The following WWOX variants were observed in gnomAD, a reference collection of about 807,000 sequenced individuals.
The protein encoded by WWOX is WW domain containing oxidoreductase.
In WWOX, 69 loss-of-function variants were observed where a neutral mutation model predicts 46.2. The ratio of observed to expected loss-of-function variants is 1.49; its 90% CI spans 1.23 to 1.82. The LOEUF (loss-of-function observed/expected upper bound fraction) is 1.82. WWOX is among the 40% of genes most tolerant of loss of function. The probability of loss-of-function intolerance (pLI) is 0.00; values close to 1 mark genes in which losing one functional copy is unlikely to be tolerated. For synonymous variants in WWOX, 359 were observed against 202.6 expected (o/e 1.77, Z -6.56); for missense variants, 919 against 542.6 (o/e 1.69, Z -6.89).
At chr16:79,123,646 T>C (rs1181220977) in intron 8 of WWOX, among the ~76,000 whole-genome samples, 1 of 152,062 alleles carries the variant, frequency 6.6e-6, no homozygotes, top group Non-Finnish European at 1.5e-5. Flanking sequence ...GCTCCAGGCT[T>C]TTTCCCTATT....
Position 78,945,208 on chromosome 16 carries a change from AG to A in WWOX, c.1057-266399del, listed in dbSNP as rs547264823. Among the ~76,000 whole-genome samples, 177 of 152,226 alleles carry A rather than the reference AG, an allele frequency of 1.2e-3. No individual in the cohort carries two copies. The Middle Eastern group carries it at 0.017, about 15-fold the overall frequency. ...AAAAGAAAAAGAAAAAGAAAGAAAAAGCTTTGCCTGTATATGTAGAACAAAT... is the reference window on the plus strand; with the variant it reads ...AAAAGAAAAAGAAAAAGAAAGAAAAACTTTGCCTGTATATGTAGAACAAAT... On this transcript the variant is annotated intron_variant, in intron 8 of 8. Coordinates refer to ENST00000566780, the MANE Select transcript of WWOX (RefSeq NM_016373.4).
chr16:78,706,716 C>T (rs1210080796), intron 8 of WWOX, among the ~76,000 whole-genome samples: 2 of 152,170 alleles, frequency 1.3e-5, no homozygotes, highest in Non-Finnish European at 2.9e-5. Context: ...CCCTTTTGAC[C>T]TGTGGGTACA....
intron 8 of WWOX, among the ~76,000 whole-genome samples, chr16:78,817,429 C>G (rs1199261551): frequency 6.6e-6 from 1 of 152,236 alleles, no homozygotes; most frequent in East Asian, 1.9e-4. Flanking sequence ...TCTTCAGCTA[C>G]CAACAATCAT....
chr16:79,047,985 T>A (rs1740538562), intron 8 of WWOX, among the ~76,000 whole-genome samples: 2 of 151,972 alleles, frequency 1.3e-5, no homozygotes. Flanking sequence ...ATTCACTATA[T>A]CCTCTCCTGA....
intron 8 of WWOX, among the ~76,000 whole-genome samples, chr16:78,974,698 G>A (rs1384269996): frequency 2.6e-5 from 4 of 152,192 alleles, no homozygotes; most frequent in Admixed American, 6.5e-5. Context: ...ACCTAATGGT[G>A]TTTACAGAGT....
In WWOX at chr16:78,865,163, G is replaced by C. The variant is rs77178495; in HGVS notation, c.1057-346445G>C. On this transcript the variant is annotated intron_variant, in intron 8 of 8. Coordinates refer to ENST00000566780, the MANE Select transcript of WWOX (RefSeq NM_016373.4). ...TAAAATAAATTCCGTACATTTTAAA[G>C]TGCTAAAGGTTGTATGTTTGTGCGA... Among the ~76,000 whole-genome samples the C allele has an allele frequency of 3.0e-3, 464 of 152,186 alleles. 3 individuals are homozygous for C. Among genetic ancestry groups the C allele is most frequent in the African/African-American group, 0.011 (446 of 41,520 alleles).
At chr16:78,144,548 G>C (rs565392994) in intron 4 of WWOX, among the ~76,000 whole-genome samples, 22 of 117,700 alleles carry the variant, frequency 1.9e-4, no homozygotes, top group Non-Finnish European at 3.6e-4. Flanking sequence ...TGGAGATGGA[G>C]TTTTACTCTG....
In WWOX at chr16:78,163,247, G is replaced by A. The variant is rs138508826; in HGVS notation, c.410-936G>A. Among the ~76,000 whole-genome samples the A allele has an allele frequency of 2.3e-4, 35 of 152,254 alleles. 1 individual carries two copies. In the East Asian group the frequency reaches 6.6e-3, roughly 29 times the overall value. On this transcript the variant is annotated intron_variant, in intron 4 of 8. Coordinates refer to ENST00000566780, the MANE Select transcript of WWOX (RefSeq NM_016373.4). ...CTTCCTCCAGAGAACATTTTCTCTT[G>A]CTTCTGGAAATTGGATAGATAGGGA...
intron 5 of WWOX, among the ~76,000 whole-genome samples, chr16:78,176,652 ACT>A: frequency 6.6e-6 from 1 of 152,196 alleles, no homozygotes; most frequent in South Asian, 2.1e-4. Context: ...CAGATTTATG[ACT>A]CTGGGAAAAT....
At chr16:78,356,885 A>C (rs1166227465) in intron 5 of WWOX, among the ~76,000 whole-genome samples, 2 of 152,194 alleles carry the variant, frequency 1.3e-5, no homozygotes, top group African/African-American at 2.4e-5. Flanking sequence ...CCATCTCAAA[A>C]AACAAACAAA....
intron 8 of WWOX, among the ~76,000 whole-genome samples, chr16:78,945,038 G>A (rs2045922806): frequency 6.6e-6 from 1 of 152,030 alleles, no homozygotes; most frequent in South Asian, 2.1e-4. Flanking sequence ...ACATTAGCTG[G>A]GCATGGTGGC....
At chr16:78,993,431 T>C (rs886068354) in intron 8 of WWOX, among the ~76,000 whole-genome samples, 14 of 152,178 alleles carry the variant, frequency 9.2e-5, no homozygotes, top group Non-Finnish European at 1.9e-4. Flanking sequence ...CTCTCGGACA[T>C]GACAGTGCGG....
chr16:78,333,468 T>G (rs151028541), intron 5 of WWOX, among the ~76,000 whole-genome samples: 1 of 152,196 alleles, frequency 6.6e-6, no homozygotes, highest in African/African-American at 2.4e-5. Flanking sequence ...TCTGATGTAA[T>G]ACTTAGTTTA....
chr16:79,201,009 C>T (rs1168301596), intron 8 of WWOX, among the ~76,000 whole-genome samples: 3 of 152,120 alleles, frequency 2.0e-5, no homozygotes, highest in Non-Finnish European at 4.4e-5. Context: ...GTTGTGTGCC[C>T]AGGAAATGGC....
chr16:78,189,290 C>G (rs541183922), intron 5 of WWOX, among the ~76,000 whole-genome samples: 66 of 152,360 alleles, frequency 4.3e-4, no homozygotes, highest in Middle Eastern at 3.4e-3. Context: ...CTCCTAGGAG[C>G]CCTTTCCTGC....
intron 6 of WWOX, among the ~76,000 whole-genome samples, chr16:78,407,472 C>A (rs1308646266): frequency 6.6e-6 from 1 of 152,210 alleles, no homozygotes; most frequent in African/African-American, 2.4e-5. Context: ...TCTGCAAAAT[C>A]TTGCCTCACT....
rs181970714 is a variant in WWOX at position 79,182,463 on chromosome 16, G to C, written c.1057-29145G>C. Reference sequence around the variant, plus strand: ...TGCCATCTTTGTTTATGGGCTTTTGGTGTAAGAACTCTCTGAGAATGCAGT... The same window carrying C: ...TGCCATCTTTGTTTATGGGCTTTTGCTGTAAGAACTCTCTGAGAATGCAGT... On this transcript the variant is annotated intron_variant, in intron 8 of 8. Transcript: ENST00000566780. Among the ~76,000 whole-genome samples, 4 of 152,112 alleles carry C rather than the reference G, an allele frequency of 2.6e-5. No homozygotes were observed. In the East Asian group the frequency reaches 7.7e-4, roughly 29 times the overall value.
intron 5 of WWOX, among the ~76,000 whole-genome samples, chr16:78,185,181 A>G (rs955516641): frequency 6.6e-6 from 1 of 152,212 alleles, no homozygotes; most frequent in East Asian, 1.9e-4. Flanking sequence ...CCATATGTGC[A>G]TAGAGGGAGG....
In WWOX at chr16:78,539,846, A is replaced by G. The variant is rs77655314; in HGVS notation, c.1056+107094A>G. On this transcript the variant is annotated intron_variant, in intron 8 of 8. Transcript: ENST00000566780. ...ATGCGTTCATTTTCTTTATCTTGCC[A>G]TTACTGTACCTCTATTGGGAAATTT... is the stretch of plus-strand genomic sequence containing the variant. 2.9e-3 allele frequency among the ~76,000 whole-genome samples: 439 copies of G among 152,248 alleles called. 1 individual carries two copies. Among genetic ancestry groups the G allele is most frequent in the African/African-American group, 0.01 (420 of 41,534 alleles).
Sources: allele counts gnomAD v4.1 joint callset (sites outside exome capture counted in the v4.1 genomes callset), GRCh38; gene constraint gnomAD v4.1.1; transcripts MANE v1.5; gene names NCBI Gene and HGNC (gene_info 2026-07-23, HGNC 2026-07-21).